IL12RB1: variants seen among roughly 807,000 people sequenced by gnomAD.
IL12RB1 encodes interleukin-12 receptor subunit beta-1.
In IL12RB1, 64 loss-of-function variants were observed where a neutral mutation model predicts 94.4. The ratio of observed to expected loss-of-function variants is 0.68; its 90% confidence interval spans 0.55 to 0.83. The LOEUF (loss-of-function observed/expected upper bound fraction) is 0.83, where lower values mean the gene tolerates loss of function less well. Ranked by LOEUF, IL12RB1 falls within the 40% of genes least tolerant of loss-of-function variation. The pLI, the probability that IL12RB1 is intolerant of heterozygous loss-of-function variation, is 0.00. For missense variants in IL12RB1, 814 were observed against 855.6 expected (o/e 0.95, Z 0.61); for synonymous variants, 362 against 355.5 (o/e 1.02, Z -0.21).
intron 3 of IL12RB1, among the ~76,000 whole-genome samples, chr19:18,081,697 A>G (rs1568516334): frequency 6.6e-6 from 1 of 151,710 alleles, no homozygotes; most frequent in African/African-American, 2.4e-5. Context: ...GCGTGTGCCT[A>G]TAGTCCCAGC....
intron 1 of IL12RB1, among the ~76,000 whole-genome samples, chr19:18,093,351 TGTG>T: frequency 7.1e-6 from 1 of 141,308 alleles, no homozygotes; most frequent in East Asian, 2.0e-4. Context: ...TATATATACT[TGTG>T]TGTGTGCGTG....
intron 8 of IL12RB1, 103 bp downstream of exon 8, chr19:18,073,414 C>G: frequency 1.3e-6 from 1 of 775,830 alleles, no homozygotes; most frequent in Non-Finnish European, 2.3e-6. Context: ...GCCACCTCTA[C>G]ATCTCATCTC....
chr19:18,089,062 A>G (rs1447024915), upstream of IL12RB1, among the ~76,000 whole-genome samples: 1 of 151,796 alleles, frequency 6.6e-6, no homozygotes, highest in Non-Finnish European at 1.5e-5. Context: ...CACAAAAAAA[A>G]AAACCCATCA....
chr19:18,096,832 TA>T lies in IL12RB1; in HGVS notation c.-230+1922del, dbSNP rs147883182. ...CAACAGAGAGACTCGTCTCATAAAT[TA>T]AAAAAAAAAAAAAAAAGTTTTGGTG... On this transcript the variant is annotated intron_variant, in intron 1 of 4. Coordinates refer to the IL12RB1 transcript ENST00000594176. Among the ~76,000 whole-genome samples the T allele has an allele frequency of 8.3e-3, 1,119 of 134,998 alleles. 3 individuals are homozygous for T. The highest frequency in any genetic ancestry group is 0.013 in the Non-Finnish European group (803 of 62,672). 88.6% of individuals were successfully genotyped at this position (134,998 alleles called of 152,430 possible). A position where few individuals can be genotyped will look rare whatever the true frequency, so the allele number is the denominator to read the frequency against.
chr19:18,091,875 T>TC (rs1372474120), upstream of IL12RB1, among the ~76,000 whole-genome samples: 1 of 150,198 alleles, frequency 6.7e-6, no homozygotes, highest in East Asian at 2.0e-4. Context: ...TTTCTTTTTT[T>TC]TTTTTTTTTT....
chr19:18,089,042 AAC>A (rs1402481391), upstream of IL12RB1, among the ~76,000 whole-genome samples: 2 of 151,666 alleles, frequency 1.3e-5, no homozygotes, highest in Non-Finnish European at 2.9e-5. Context: ...AAAAAAAAAA[AAC>A]ACACATACAC....
chr19:18,062,243 G>C lies in IL12RB1; in HGVS notation c.1653C>G (p.Ala551=), dbSNP rs768958730. 1 of 1,613,054 alleles carries C rather than the reference G, an allele frequency of 6.2e-7. No homozygotes were observed. Among genetic ancestry groups the C allele is most frequent in the Non-Finnish European group, 8.5e-7 (1 of 1,179,386 alleles). Residue 551 remains alanine (A), a synonymous_variant, in exon 14 of 17, where the codon GCC becomes GCG. Coordinates refer to ENST00000593993, the MANE Select transcript of IL12RB1 (RefSeq NM_005535.3). ...VQVSDWLIFF[A]SLGSFLSILL... is the part of the protein sequence containing the mutation. ...GGATGCTCAGGAAGCTCCCCAGGGA[G>C]GCGAAGAAGATGAGCCAATCAGAAA...
rs2034605492 is a variant in IL12RB1 at position 18,066,675 on chromosome 19, G to A, written c.1350C>T (p.His450=). Residue 450 remains histidine (H), a synonymous_variant, in exon 12 of 17, where the codon CAC becomes CAT. Transcript: ENST00000593993. ...AGCTATGATTCTTCACCGAGACGTG[G>A]TGCGGTGTCCCAGCTGCTGAGGCTG... The part of the protein sequence containing the change: ...GGNASAAGTP[H]HVSVKNHSLD... 1 of 1,607,888 alleles carries A rather than the reference G, an allele frequency of 6.2e-7. No individual in the cohort carries two copies. The highest frequency in any genetic ancestry group is 1.3e-5 in the African/African-American group (1 of 74,886).
At chr19:18,089,348 G>A (rs913921039), upstream of IL12RB1, among the ~76,000 whole-genome samples, 5 of 152,064 alleles carry the variant, frequency 3.3e-5, no homozygotes, top group East Asian at 3.9e-4. Context: ...TTTCCGGCCC[G>A]GGCGCGGTGG....
chr19:18,062,198 GCCAAGGACGC>G lies in IL12RB1; in HGVS notation c.1688_1697del (p.Gly563AlafsTer5). The G allele has an allele frequency of 6.2e-7, 1 of 1,612,078 alleles. No homozygotes were observed. The highest frequency in any genetic ancestry group is 8.5e-7 in the Non-Finnish European group (1 of 1,178,300). On this transcript the variant is annotated frameshift_variant, in exon 14 of 17. Transcript: ENST00000593993. LOFTEE classifies it high-confidence loss of function. ...TCAGTTACCTGTTCAGGCCAAGGTA[GCCAAGGACGC>G]CCACGAGAAGGATGCTCAGGAAGCT...
intron 1 of IL12RB1, among the ~76,000 whole-genome samples, chr19:18,097,217 G>A (rs2037014210): frequency 6.6e-6 from 1 of 151,874 alleles, no homozygotes; most frequent in African/African-American, 2.4e-5. Context: ...TCGCTCTGTC[G>A]CCCAGTCTGG....
chr19:18,077,627 G>T lies in IL12RB1; in HGVS notation c.438C>A (p.Ile146=). Residue 146 remains isoleucine (I), a synonymous_variant, in exon 5 of 17, where the codon ATC becomes ATA. Transcript: ENST00000593993. The part of the protein sequence containing the change: ...SVKYEPPLGD[I]KVSKLAGQLR... ...GCTGCCCGGCCAACTTGGACACCTT[G>T]ATGTCTCCCAGAGGAGGCTCATATT... 2 of 1,593,430 alleles carry T rather than the reference G, an allele frequency of 1.3e-6. No homozygotes were observed. The highest frequency in any genetic ancestry group is 1.3e-5 in the African/African-American group (1 of 74,640).
rs2146172081 is a variant in IL12RB1 at position 18,066,652 on chromosome 19, CTA to C, written c.1371_1372del (p.His457GlnfsTer31). On this transcript the variant is annotated frameshift_variant, in exon 12 of 17. Transcript: ENST00000593993. LOFTEE classifies it high-confidence loss of function. ...CCAGTCCACAGACACAGAGTCCAAG[CTA>C]TGATTCTTCACCGAGACGTGGTGCG... 6.2e-7 allele frequency: 1 copy of C among 1,611,394 alleles called. No individual in the cohort carries two copies. Among genetic ancestry groups the C allele is most frequent in the East Asian group, 2.2e-5 (1 of 44,868 alleles).
At chr19:18,082,050 C>T in intron 3 of IL12RB1, 100 bp downstream of exon 3, 1 of 752,010 alleles carries the variant, frequency 1.3e-6, no homozygotes, top group Non-Finnish European at 2.4e-6. Context: ...GGAGTGTTGA[C>T]CCAGCCAAGA....
intron 11 of IL12RB1, among the ~76,000 whole-genome samples, chr19:18,067,431 G>C (rs1051314977): frequency 4.6e-5 from 7 of 151,906 alleles, no homozygotes; most frequent in African/African-American, 1.4e-4. Flanking sequence ...AGAGTCAGGT[G>C]AGCTGGGTTT....
rs555571999 is a variant in IL12RB1, at chr19:18,076,232, C to G, written c.580+65G>C. On this transcript the variant is annotated intron_variant, in intron 6 of 16. Transcript: ENST00000593993. Reference sequence around the variant, plus strand: ...AAAATTCAGCATTGGACCTGGCATACAGTAGGTGCTCAATTAATGCCAATT... The same window carrying G: ...AAAATTCAGCATTGGACCTGGCATAGAGTAGGTGCTCAATTAATGCCAATT... 264 of 829,848 alleles carry G rather than the reference C, an allele frequency of 3.2e-4. 1 individual carries two copies. Among genetic ancestry groups the G allele is most frequent in the Non-Finnish European group, 4.7e-4 (218 of 463,988 alleles). 51.4% of individuals were successfully genotyped at this position (829,848 alleles called of 1,614,324 possible). A position where few individuals can be genotyped will look rare whatever the true frequency, so the allele number is the denominator to read the frequency against.
At chr19:18,082,809 G>A (rs987638075) in intron 2 of IL12RB1, among the ~76,000 whole-genome samples, 9 of 152,178 alleles carry the variant, frequency 5.9e-5, no homozygotes, top group Non-Finnish European at 1.3e-4. Context: ...GGGCACGGTG[G>A]CTCATTCCTG....
rs1367898138 is a variant in IL12RB1, at chr19:18,086,884, C to G, written c.-61G>C. On this transcript the variant is annotated 5_prime_UTR_variant, in exon 1 of 17. Transcript: ENST00000593993. ...CTCTCTGCCACCTGCGAGGTTCAGCCACCCCGTCCCCACTCCGGAACACAT... is the reference window on the plus strand; with the variant it reads ...CTCTCTGCCACCTGCGAGGTTCAGCGACCCCGTCCCCACTCCGGAACACAT... The G allele has an allele frequency of 6.3e-7, 1 of 1,581,658 alleles. No homozygotes were observed. Among genetic ancestry groups the G allele is most frequent in the Admixed American group, 1.8e-5 (1 of 55,708 alleles).
At position 18,062,207 on chromosome 19, in the gene IL12RB1, G is replaced by A. The variant is rs751472113; in HGVS notation, c.1689C>T (p.Gly563=). Reference sequence around the variant, plus strand: ...TGTTCAGGCCAAGGTAGCCAAGGACGCCCACGAGAAGGATGCTCAGGAAGC... The same window carrying A: ...TGTTCAGGCCAAGGTAGCCAAGGACACCCACGAGAAGGATGCTCAGGAAGC... ...LGSFLSILLV[G]VLGYLGLNRA... is the part of the protein sequence containing the mutation. The change falls in exon 14 of 17, where the codon GGC becomes GGT. Residue 563 remains glycine (G), a synonymous_variant. Transcript: ENST00000593993. The A allele has an allele frequency of 6.8e-6, 11 of 1,612,642 alleles. No homozygotes were observed. Among genetic ancestry groups the A allele is most frequent in the East Asian group, 2.2e-5 (1 of 44,864 alleles).
Sources: gnomAD v4.1 joint callset for allele counts (sites outside exome capture counted in the v4.1 genomes callset) on GRCh38, gnomAD v4.1.1 for gene constraint, MANE v1.5 for transcripts, NCBI Gene and HGNC (gene_info 2026-07-23, HGNC 2026-07-21) for gene names.